The following SCP2 variants were observed in gnomAD, a reference collection of about 807,000 sequenced individuals.
The protein encoded by SCP2 is SCP-2/3-oxoacyl-CoA thiolase.
In SCP2, 48 loss-of-function variants were observed where a neutral mutation model predicts 71.4. The ratio of observed to expected loss-of-function variants is 0.67; its 90% confidence interval spans 0.53 to 0.86. SCP2 has a LOEUF of 0.86. SCP2 is among the 40% of genes least tolerant of loss of function. SCP2 has a pLI of 0.00. For missense variants in SCP2, 560 were observed against 655.6 expected, an observed-to-expected ratio of 0.85 and a Z score of 1.59; for synonymous variants, 220 against 218.1, an observed-to-expected ratio of 1.01 and a Z score of -0.08.
intron 5 of SCP2, among the ~76,000 whole-genome samples, chr1:52,959,174 CTTCTTTTCTT>C (rs60486373): frequency 6.6e-6 from 1 of 151,298 alleles, no homozygotes; most frequent in African/African-American, 2.4e-5. Flanking sequence ...GGTCTGGTGA[CTTCTTTTCTT>C]TTCTTTAAAA....
intron 13 of SCP2, among the ~76,000 whole-genome samples, chr1:53,029,998 C>T (rs966800422): frequency 1.1e-4 from 16 of 152,056 alleles, no homozygotes; most frequent in Admixed American, 5.9e-4. Context: ...AAGCGATTCT[C>T]GTGCCTCAGC....
At chr1:52,966,361 A>G (rs968522410) in intron 6 of SCP2, among the ~76,000 whole-genome samples, 2 of 151,770 alleles carry the variant, frequency 1.3e-5, no homozygotes, top group African/African-American at 4.8e-5. Flanking sequence ...AGATAATTGC[A>G]TTATGTTCCC....
intron 6 of SCP2, among the ~76,000 whole-genome samples, chr1:52,972,763 A>T (rs149763335): frequency 2.0e-4 from 30 of 152,312 alleles, no homozygotes; most frequent in African/African-American, 7.0e-4. Context: ...CCCTTCAAAT[A>T]TCTGAAGCCA....
At chr1:53,015,100 A>T (rs2150228353) in intron 12 of SCP2, 57 bp downstream of exon 12, 1 of 1,508,908 alleles carries the variant, frequency 6.6e-7, no homozygotes, top group South Asian at 1.1e-5. Flanking sequence ...TTCACAGTTG[A>T]TGATGTTTTA....
intron 11 of SCP2, among the ~76,000 whole-genome samples, chr1:53,010,971 G>A (rs1426394816): frequency 6.6e-6 from 1 of 152,122 alleles, no homozygotes; most frequent in East Asian, 1.9e-4. Context: ...GAAATAAACA[G>A]CCTTGTTGCT....
chr1:52,997,345 T>A (rs560790251), intron 11 of SCP2, among the ~76,000 whole-genome samples: 1 of 152,184 alleles, frequency 6.6e-6, no homozygotes, highest in Admixed American at 6.5e-5. Context: ...ATTTTTGTAT[T>A]TTTAGTAGAG....
At chr1:52,931,207 G>GA (rs747840499) in intron 1 of SCP2, among the ~76,000 whole-genome samples, 6 of 152,174 alleles carry the variant, frequency 3.9e-5, no homozygotes, top group Non-Finnish European at 8.8e-5. Flanking sequence ...AGTTGATGGA[G>GA]AAGTGGTCAC....
chr1:52,961,534 A>G lies in SCP2; in HGVS notation c.428A>G (p.His143Arg), dbSNP rs987737060. The G allele has an allele frequency of 6.2e-7, 1 of 1,613,816 alleles. No homozygotes were observed. Among genetic ancestry groups the G allele is most frequent in the Admixed American group, 1.7e-5 (1 of 59,984 alleles). ...GATAGAACCATTCCCACTGATAAGCATGTTGACCTCCTGATCAATAAGTAT... is the reference window on the plus strand; with the variant it reads ...GATAGAACCATTCCCACTGATAAGCGTGTTGACCTCCTGATCAATAAGTAT... Reference protein sequence around the residue: ...FSDRTIPTDKHVDLLINKYGL... With the variant: ...FSDRTIPTDKRVDLLINKYGL... Residue 143 changes from histidine to arginine, a missense_variant, in exon 6 of 16, where the codon CAT becomes CGT. By Grantham distance (29) the His-to-Arg change is conservative. Coordinates refer to ENST00000371514, the MANE Select transcript of SCP2 (RefSeq NM_002979.5).
intron 8 of SCP2, 109 bp downstream of exon 8, chr1:52,976,878 A>G: frequency 1.4e-6 from 1 of 707,602 alleles, no homozygotes; most frequent in Non-Finnish European, 2.6e-6. Context: ...CTTTCACAGA[A>G]CTCCTCCCAG....
At chr1:53,045,768 C>T (rs1179008640) in intron 14 of SCP2, among the ~76,000 whole-genome samples, 1 of 152,084 alleles carries the variant, frequency 6.6e-6, no homozygotes, top group Non-Finnish European at 1.5e-5. Context: ...TGAATTTAGA[C>T]AAATGCATAC....
At chr1:52,957,011 G>A (rs1417257214) in intron 5 of SCP2, among the ~76,000 whole-genome samples, 1 of 149,212 alleles carries the variant, frequency 6.7e-6, no homozygotes. Context: ...CTGGGTTCAA[G>A]CGATTCTCCT....
At chr1:52,967,524 A>G (rs1010670658) in intron 6 of SCP2, among the ~76,000 whole-genome samples, 1 of 152,008 alleles carries the variant, frequency 6.6e-6, no homozygotes, top group Non-Finnish European at 1.5e-5. Context: ...TTATTTTGAG[A>G]TGGAGTCTTG....
intron 5 of SCP2, among the ~76,000 whole-genome samples, chr1:52,955,902 TA>T (rs1311567281): frequency 1.3e-5 from 2 of 150,750 alleles, no homozygotes; most frequent in Non-Finnish European, 2.9e-5. Context: ...TTGTTATGTT[TA>T]GAGAAATAAA....
chr1:53,032,970 T>C (rs1029485534), intron 13 of SCP2, among the ~76,000 whole-genome samples: 10 of 152,228 alleles, frequency 6.6e-5, no homozygotes, highest in Non-Finnish European at 1.5e-4. Flanking sequence ...AGTTTTTTTC[T>C]ACAGTTAACT....
At chr1:52,974,738 AC>A in intron 6 of SCP2, 30 bp from the exon 7 acceptor site, 1 of 1,140,282 alleles carries the variant, frequency 8.8e-7, no homozygotes, top group Non-Finnish European at 1.3e-6. Flanking sequence ...AAAAACATTC[AC>A]CCACTGGTAG....
chr1:52,946,369 C>A (rs1654796788), intron 2 of SCP2, among the ~76,000 whole-genome samples: 1 of 151,950 alleles, frequency 6.6e-6, no homozygotes, highest in Admixed American at 6.6e-5. Context: ...CCTGGGACCA[C>A]AGGTGTATGC....
intron 11 of SCP2, chr1:52,995,140 A>G (rs1159859101): frequency 2.8e-5 from 14 of 496,358 alleles, no homozygotes; most frequent in Non-Finnish European, 4.9e-5. Flanking sequence ...GACCCACTCA[A>G]TGGGCTCTGG....
At chr1:52,982,367 G>A (rs1007793256) in intron 10 of SCP2, among the ~76,000 whole-genome samples, 22 of 152,098 alleles carry the variant, frequency 1.4e-4, no homozygotes, top group Admixed American at 6.6e-5. Flanking sequence ...TCAGGAGATC[G>A]AGACCATCCT....
At chr1:52,989,886 T>G (rs1475850772) in intron 11 of SCP2, among the ~76,000 whole-genome samples, 1 of 152,198 alleles carries the variant, frequency 6.6e-6, no homozygotes, top group African/African-American at 2.4e-5. Context: ...GTCAGAGTTG[T>G]GTGCATGCTC....
Sources: gnomAD v4.1 joint callset for allele counts (sites outside exome capture counted in the v4.1 genomes callset) on GRCh38, gnomAD v4.1.1 for gene constraint, MANE v1.5 for transcripts, NCBI Gene and HGNC (gene_info 2026-07-23, HGNC 2026-07-21) for gene names.